The following ZGRF1 variants were observed in gnomAD, a reference collection of about 807,000 sequenced individuals.
The protein encoded by ZGRF1 is 5'-3' DNA helicase ZGRF1.
ZGRF1 carries 196 observed loss-of-function variants against 203.5 expected under a neutral mutation model. The observed-to-expected ratio is 0.96, with a 90% CI of 0.86 to 1.08. The LOEUF (loss-of-function observed/expected upper bound fraction) is 1.08. ZGRF1 is among the 50% of genes least tolerant of loss of function. ZGRF1 has a pLI of 0.00. For synonymous variants in ZGRF1, 809 were observed against 841.3 expected, an observed-to-expected ratio of 0.96 and a Z score of 0.66; for missense variants, 2,326 against 2,416.3, an observed-to-expected ratio of 0.96 and a Z score of 0.78.
At chr4:112,625,656 G>C (rs1462104245) in intron 3 of ZGRF1, among the ~76,000 whole-genome samples, 2 of 151,446 alleles carry the variant, frequency 1.3e-5, no homozygotes, top group Admixed American at 6.6e-5. Flanking sequence ...CAGCACTTTG[G>C]GAGGCTGAGG....
chr4:112,569,057 G>A (rs10516588), intron 16 of ZGRF1, among the ~76,000 whole-genome samples: 10,776 of 152,140 alleles, frequency 0.071, 519 homozygotes, highest in Non-Finnish European at 0.099. Flanking sequence ...CTTTCAAACA[G>A]TGAATACAAG....
chr4:112,548,377 G>A lies in ZGRF1; in HGVS notation c.5350C>T (p.Arg1784Ter), dbSNP rs576796914. The A allele has an allele frequency of 3.2e-5, 49 of 1,549,174 alleles. No individual in the cohort carries two copies. The Middle Eastern group carries it at 5.0e-4, about 16-fold the overall frequency. Residue 1784 changes from arginine to a stop codon, truncating the protein, a stop_gained, in exon 23 of 28, where the codon CGA becomes TGA. Transcript: ENST00000505019. LOFTEE classifies it high-confidence loss of function. ...GTNRTLLKQVRVVGVTCAACP... is the reference protein window; with the variant it reads ...GTNRTLLKQV ...GCTGCACAGGTAACTCCAACTACTC[G>A]AACCTTTATTACAACAAAAATGTTA...
rs975839589 is a variant in ZGRF1 at position 112,619,554 on chromosome 4, G to T, written c.488C>A (p.Thr163Asn). 1 of 1,614,084 alleles carries T rather than the reference G, an allele frequency of 6.2e-7. No homozygotes were observed. The highest frequency in any genetic ancestry group is 1.3e-5 in the African/African-American group (1 of 75,036). ...ATTATTTACATCTTTCTTGCCAACA[G>T]TAGGAAACAAAGGAGGCATGCTGCA... ...PFCSMPPLFP[T>N]VGKKDVNNIL... Residue 163 changes from threonine (T) to asparagine (N), a missense_variant, in exon 6 of 28, where the codon ACT (threonine) becomes AAT (asparagine). Thr to Asn is a moderately conservative substitution (Grantham distance 65). Coordinates refer to ENST00000505019, the MANE Select transcript of ZGRF1 (RefSeq NM_018392.5).
chr4:112,628,924 G>C (rs781354369), intron 3 of ZGRF1: 2 of 371,332 alleles, frequency 5.4e-6, no homozygotes, highest in Non-Finnish European at 1.0e-5. Context: ...ATTAGTTTAT[G>C]TATTTAAAAA....
intron 8 of ZGRF1, among the ~76,000 whole-genome samples, chr4:112,608,443 A>AC (rs899673566): frequency 2.0e-5 from 3 of 151,912 alleles, no homozygotes; most frequent in African/African-American, 4.8e-5. Flanking sequence ...ACATGGAGAA[A>AC]CCCCATCTCT....
chr4:112,608,917 T>C (rs903604759), intron 8 of ZGRF1, among the ~76,000 whole-genome samples: 5 of 152,206 alleles, frequency 3.3e-5, no homozygotes, highest in African/African-American at 9.6e-5. Context: ...AACCAAATTA[T>C]ATTGATCATA....
rs760231433 is a variant in ZGRF1, at chr4:112,560,819, T to C, written c.4874A>G (p.Gln1625Arg). Residue 1625 changes from glutamine to arginine, a missense_variant, in exon 19 of 28, where the codon CAA becomes CGA. Physicochemically the swap from Gln to Arg is conservative, Grantham distance 43 (BLOSUM62 1). Transcript: ENST00000505019. ...ATGTGATGCCATCATTTGAGCTATT[T>C]GAATTAGAGCTGTAGCTTGATCCTT... ...LNKDQATALI[Q>R]IAQMMASHES... 1 of 1,613,008 alleles carries C rather than the reference T, an allele frequency of 6.2e-7. No homozygotes were observed. The highest frequency in any genetic ancestry group is 8.5e-7 in the Non-Finnish European group (1 of 1,179,142).
intron 1 of ZGRF1, among the ~76,000 whole-genome samples, chr4:112,635,898 T>C (rs1421344583): frequency 6.6e-6 from 1 of 151,902 alleles, no homozygotes; most frequent in East Asian, 1.9e-4. Flanking sequence ...TTCTGGAATG[T>C]ACAGTTTAAA....
At chr4:112,545,753 C>T (rs1277522743) in intron 24 of ZGRF1, among the ~76,000 whole-genome samples, 1 of 152,122 alleles carries the variant, frequency 6.6e-6, no homozygotes, top group East Asian at 1.9e-4. Context: ...ATGTAGTACA[C>T]ACATGCAATG....
intron 4 of ZGRF1, among the ~76,000 whole-genome samples, chr4:112,623,229 T>A (rs962558593): frequency 2.0e-5 from 3 of 152,230 alleles, no homozygotes; most frequent in Non-Finnish European, 1.5e-5. Flanking sequence ...GGTGTATTTC[T>A]ATCTCATTTT....
intron 3 of ZGRF1, among the ~76,000 whole-genome samples, chr4:112,627,588 A>G (rs747101873): frequency 7.9e-5 from 12 of 152,124 alleles, no homozygotes; most frequent in Non-Finnish European, 1.3e-4. Context: ...AAAAATACAA[A>G]AATTAGCCAA....
At position 112,558,279 on chromosome 4, in the gene ZGRF1, A is replaced by G. The variant is rs773568168; in HGVS notation, c.4991T>C (p.Leu1664Pro). The change falls in exon 20 of 28, where the codon CTG (leucine) becomes CCG (proline). Residue 1664 changes from leucine (L) to proline (P), a missense_variant. By Grantham distance (98) the Leu-to-Pro change is moderately conservative. Coordinates refer to ENST00000505019, the MANE Select transcript of ZGRF1 (RefSeq NM_018392.5). Reference sequence around the variant, plus strand: ...TACAAAGAACAAAATCACCACTGCCAGCAAGTAACTCTTTCCTGCTCCAAA... The same window carrying G: ...TACAAAGAACAAAATCACCACTGCCGGCAAGTAACTCTTTCCTGCTCCAAA... ...GVFGAGKSYL[L>P]AVVILFFVQL... 2.5e-6 allele frequency: 4 copies of G among 1,581,250 alleles called. No individual in the cohort carries two copies. Among genetic ancestry groups the G allele is most frequent in the Non-Finnish European group, 3.4e-6 (4 of 1,168,280 alleles).
chr4:112,610,958 C>A, intron 7 of ZGRF1: 1 of 292,408 alleles, frequency 3.4e-6, no homozygotes, highest in Non-Finnish European at 6.6e-6. Flanking sequence ...ACAAAAAAAT[C>A]TGGAAACATT....
In ZGRF1 at chr4:112,620,062, T is replaced by C. The variant is rs772844585; in HGVS notation, c.291A>G (p.Thr97=). The C allele has an allele frequency of 1.9e-6, 3 of 1,613,050 alleles. No individual in the cohort carries two copies. The highest frequency in any genetic ancestry group is 1.3e-5 in the African/African-American group (1 of 74,926). ...CAAGAGATCGGCCAGAGGATATAAA[T>C]GTCCTTGAATTTAACTCTGGTGCTT... ...NKEAPELNSR[T]FISSGRSLGC... is the part of the protein sequence containing the mutation. The change falls in exon 5 of 28, where the codon ACA becomes ACG. Residue 97 remains threonine, a synonymous_variant. Coordinates refer to ENST00000505019, the MANE Select transcript of ZGRF1 (RefSeq NM_018392.5).
chr4:112,595,576 A>G (rs563218195), intron 10 of ZGRF1, among the ~76,000 whole-genome samples: 23 of 151,998 alleles, frequency 1.5e-4, no homozygotes, highest in Non-Finnish European at 2.5e-4. Flanking sequence ...GTTTGTGTGT[A>G]TATATGTGTG....
intron 10 of ZGRF1, among the ~76,000 whole-genome samples, chr4:112,592,750 C>A (rs1351073303): frequency 1.3e-5 from 2 of 152,100 alleles, no homozygotes; most frequent in African/African-American, 4.8e-5. Flanking sequence ...TTTATTTATT[C>A]TTATGTATTC....
At chr4:112,609,793 C>T (rs1751313772) in intron 7 of ZGRF1, among the ~76,000 whole-genome samples, 2 of 149,546 alleles carry the variant, frequency 1.3e-5, no homozygotes. Flanking sequence ...AGCAAGACTC[C>T]ATCTCAAAAC....
rs762527521 is a variant in ZGRF1, at chr4:112,587,790, A to G, written c.3267T>C (p.Ser1089=). ...GGGAGCCAGAAGACTCGTATGTGTT[A>G]GAGTTGATCATATACGAATGAGAGT... ...DLDSHSYMIN[S]NTYESSGSPM... Residue 1089 remains serine (S), a synonymous_variant, in exon 12 of 28, where the codon TCT becomes TCC. Coordinates refer to ENST00000505019, the MANE Select transcript of ZGRF1 (RefSeq NM_018392.5). 4 of 1,552,618 alleles carry G rather than the reference A, an allele frequency of 2.6e-6. No homozygotes were observed. The highest frequency in any genetic ancestry group is 1.2e-5 in the South Asian group (1 of 84,396).
chr4:112,551,285 A>G (rs1196773158), intron 22 of ZGRF1, among the ~76,000 whole-genome samples: 1 of 152,224 alleles, frequency 6.6e-6, no homozygotes, highest in Non-Finnish European at 1.5e-5. Context: ...GGTTTGTGTA[A>G]GTACACTATG....
Sources: allele counts gnomAD v4.1 joint callset (sites outside exome capture counted in the v4.1 genomes callset), GRCh38; gene constraint gnomAD v4.1.1; transcripts MANE v1.5; gene names NCBI Gene and HGNC (gene_info 2026-07-23, HGNC 2026-07-21).